Variants in PIK3CB observed in about 807,000 individuals in gnomAD.
PIK3CB encodes the protein phosphatidylinositol 4,5-bisphosphate 3-kinase catalytic subunit beta isoform.
Under a neutral mutation model 136.8 loss-of-function variants are expected in PIK3CB, and 39 were observed. That is an observed-to-expected ratio of 0.29 (90% CI 0.22 to 0.37). PIK3CB has a LOEUF of 0.37. Among genes scored for constraint, PIK3CB ranks in the 10% least tolerant of loss-of-function variants. The pLI is 1.00. For synonymous variants in PIK3CB, 428 were observed against 436.6 expected (o/e 0.98, Z 0.25); for missense variants, 868 against 1,275.4 (o/e 0.68, Z 4.87).
At chr3:138,717,128 C>T (rs2044627095) in intron 8 of PIK3CB, among the ~76,000 whole-genome samples, 1 of 151,412 alleles carries the variant, frequency 6.6e-6, no homozygotes, top group Admixed American at 6.6e-5. Flanking sequence ...GTGGCACACG[C>T]CTGCAGTCCC....
At chr3:138,733,553 C>T in intron 7 of PIK3CB, 115 bp from the exon 8 acceptor site, 1 of 553,402 alleles carries the variant, frequency 1.8e-6, no homozygotes, top group Non-Finnish European at 3.2e-6. Flanking sequence ...GAAAATAGAG[C>T]TCTAAACTAA....
chr3:138,696,928 T>G (rs764818980), intron 13 of PIK3CB, among the ~76,000 whole-genome samples: 6 of 152,132 alleles, frequency 3.9e-5, no homozygotes, highest in Admixed American at 6.6e-5. Flanking sequence ...AAAGGAGAGA[T>G]AAGATTATGT....
intron 12 of PIK3CB, 113 bp downstream of exon 12, chr3:138,704,330 C>T (rs1369446331): frequency 1.3e-6 from 1 of 780,810 alleles, no homozygotes; most frequent in Non-Finnish European, 2.3e-6. Context: ...CACTCACAGA[C>T]TGTTCTTGCA....
At chr3:138,815,418 G>A (rs1290399267) in intron 1 of PIK3CB, among the ~76,000 whole-genome samples, 1 of 112,294 alleles carries the variant, frequency 8.9e-6, no homozygotes, top group Admixed American at 1.2e-4. Context: ...CTTAATGCCT[G>A]GTGTTACAAA....
At chr3:138,676,186 A>G (rs989917492) in intron 19 of PIK3CB, among the ~76,000 whole-genome samples, 1 of 152,216 alleles carries the variant, frequency 6.6e-6, no homozygotes, top group Non-Finnish European at 1.5e-5. Context: ...CAAAAAAGGT[A>G]TAGAAATAAC....
At chr3:138,740,295 T>C (rs1474200796) in intron 5 of PIK3CB, among the ~76,000 whole-genome samples, 2 of 152,212 alleles carry the variant, frequency 1.3e-5, no homozygotes, top group African/African-American at 2.4e-5. Flanking sequence ...AACGGGGCAG[T>C]TGCAGTGAGC....
chr3:138,757,410 C>CAAAACAA (rs1477440104), intron 3 of PIK3CB, among the ~76,000 whole-genome samples: 1 of 144,104 alleles, frequency 6.9e-6, no homozygotes, highest in African/African-American at 2.6e-5. Flanking sequence ...CTCAAAAAAA[C>CAAAACAA]AAAACAAAAA....
chr3:138,695,899 G>A (rs1000181242), intron 13 of PIK3CB, among the ~76,000 whole-genome samples: 2 of 149,782 alleles, frequency 1.3e-5, no homozygotes, highest in African/African-American at 2.5e-5. Flanking sequence ...GGGATTACAG[G>A]TGCCTGCCAC....
At chr3:138,752,101 C>CGTAA (rs2045483762) in intron 4 of PIK3CB, among the ~76,000 whole-genome samples, 1 of 151,898 alleles carries the variant, frequency 6.6e-6, no homozygotes, top group Non-Finnish European at 1.5e-5. Flanking sequence ...ACAAAATCCT[C>CGTAA]TGATTACGAT....
At chr3:138,760,133 C>A (rs1576397122) in intron 2 of PIK3CB, among the ~76,000 whole-genome samples, 2 of 152,198 alleles carry the variant, frequency 1.3e-5, no homozygotes, top group Middle Eastern at 6.8e-3. Flanking sequence ...CCGTGTTAGC[C>A]AGGATGGTCT....
chr3:138,695,408 T>C (rs1161982652), intron 13 of PIK3CB, among the ~76,000 whole-genome samples: 4 of 152,324 alleles, frequency 2.6e-5, no homozygotes, highest in Admixed American at 6.5e-5. Context: ...TGCAAGCTTG[T>C]TGGCTATCTT....
chr3:138,683,742 C>A lies in PIK3CB; in HGVS notation c.2361G>T (p.Trp787Cys), dbSNP rs1213379067. Residue 787 changes from tryptophan (W) to cysteine (C), a missense_variant, in exon 18 of 24, where the codon TGG becomes TGT. By Grantham distance (215) the Trp-to-Cys change is radical (BLOSUM62 -2). This residue lies in a region of PIK3CB where 165 missense variants were observed against 295.4 expected (regional missense o/e 0.56). Coordinates refer to ENST00000674063, the MANE Select transcript of PIK3CB (RefSeq NM_006219.3). ...CAAATACCTTGTTATTGTATACCAG[C>A]CACAAAGGCTTCATTTTGGAATCCA... ...KYMDSKMKPL[W>C]LVYNNKVFGE... The A allele has an allele frequency of 6.2e-7, 1 of 1,609,482 alleles. No individual in the cohort carries two copies. Among genetic ancestry groups the A allele is most frequent in the African/African-American group, 1.3e-5 (1 of 74,842 alleles).
chr3:138,712,768 T>C (rs1376826774), intron 9 of PIK3CB, among the ~76,000 whole-genome samples: 1 of 152,102 alleles, frequency 6.6e-6, no homozygotes, highest in African/African-American at 2.4e-5. Context: ...GGTTTTGCCG[T>C]GTAGGACAGG....
intron 19 of PIK3CB, among the ~76,000 whole-genome samples, chr3:138,676,529 T>C (rs2049206847): frequency 6.6e-6 from 1 of 152,250 alleles, no homozygotes; most frequent in African/African-American, 2.4e-5. Flanking sequence ...GTTTATAGCA[T>C]TAACTGTGTA....
intron 4 of PIK3CB, among the ~76,000 whole-genome samples, chr3:138,750,279 C>T (rs567425733): frequency 2.0e-4 from 31 of 151,694 alleles, no homozygotes; most frequent in South Asian, 1.9e-3. Flanking sequence ...GTGAAGAGAA[C>T]ATTTAAAAAT....
intron 19 of PIK3CB, among the ~76,000 whole-genome samples, chr3:138,667,796 G>T (rs913629557): frequency 6.6e-6 from 1 of 151,882 alleles, no homozygotes; most frequent in African/African-American, 2.4e-5. Context: ...TCCGGGCACG[G>T]TGGCTCATGC....
chr3:138,821,501 T>C (rs1576432736), intron 1 of PIK3CB, among the ~76,000 whole-genome samples: 2 of 150,716 alleles, frequency 1.3e-5, no homozygotes, highest in African/African-American at 4.9e-5. Context: ...AAAATATTAA[T>C]AGCCTGGGCA....
chr3:138,815,162 A>AATATATAT lies in PIK3CB; in HGVS notation c.-121-18603_-121-18596dup, dbSNP rs1553743710. On this transcript the variant is annotated intron_variant, in intron 1 of 23. Transcript: ENST00000674063. The stretch of plus-strand genomic sequence containing the variant: ...CTCAAAAAAAAAAAAAAAAAAAAAA[A>AATATATAT]ATATATATATATATACATATATATA... 2.9e-3 allele frequency among the ~76,000 whole-genome samples: 184 copies of AATATATAT among 62,466 alleles called. 2 individuals carry two copies. Among genetic ancestry groups the AATATATAT allele is most frequent in the Non-Finnish European group, 4.5e-3 (148 of 33,072 alleles). The allele number at this position is 62,466 out of a possible 152,430, so 41.0% of individuals were successfully genotyped here. A position where few individuals can be genotyped will look rare whatever the true frequency, so the allele number is the denominator to read the frequency against.
chr3:138,691,885 A>C (rs575032349), intron 14 of PIK3CB, among the ~76,000 whole-genome samples: 1 of 152,352 alleles, frequency 6.6e-6, no homozygotes, highest in South Asian at 2.1e-4. Context: ...CATTTTTAAA[A>C]TAAAAATTCC....
Sources: gnomAD v4.1 joint callset for allele counts (sites outside exome capture counted in the v4.1 genomes callset) on GRCh38, gnomAD v4.1.1 for gene constraint, gnomAD v4.1.1 regional missense constraint, MANE v1.5 for transcripts, NCBI Gene and HGNC (gene_info 2026-07-23, HGNC 2026-07-21) for gene names.